Variants in RRBP1 observed in about 807,000 individuals in gnomAD.
RRBP1 encodes ribosome binding protein 1.
RRBP1 carries 94 observed loss-of-function variants against 165.2 expected under a neutral mutation model. That is an observed-to-expected ratio of 0.57 (90% confidence interval 0.48 to 0.68). The LOEUF (loss-of-function observed/expected upper bound fraction) is 0.68, where lower values mean the gene tolerates loss of function less well. Ranked by LOEUF, RRBP1 falls within the 30% of genes least tolerant of loss-of-function variation. The pLI, the probability that RRBP1 is intolerant of heterozygous loss-of-function variation, is 0.00. For missense variants in RRBP1, 1,676 were observed against 1,763.0 expected (o/e 0.95, Z 0.88); for synonymous variants, 680 against 714.5 (o/e 0.95, Z 0.77).
chr20:17,615,877 CAG>C (rs1404527825), intron 22 of RRBP1, 47 bp downstream of exon 22: 9 of 1,507,494 alleles, frequency 6.0e-6, no homozygotes, highest in African/African-American at 1.4e-5. Context: ...CCTGGAGACT[CAG>C]GGCCCAGGGG....
rs1484921484 is a variant in RRBP1, at chr20:17,643,769, G to C, written c.1913-642C>G. 1.3e-5 allele frequency among the ~76,000 whole-genome samples: 2 copies of C among 152,218 alleles called. No homozygotes were observed. The highest frequency in any genetic ancestry group is 2.9e-5 in the Non-Finnish European group (2 of 68,042). On this transcript the variant is annotated intron_variant, in intron 3 of 24. Transcript: ENST00000377813. This position sits in a 1 kb window ranked among gnomAD's most constrained non-coding sequence, Gnocchi z 4.3. ...GGCTGGGTTCTTATAGAAAGGGCCTGTCCACTGGCCAGTCCATGAGTGACT... is the reference window on the plus strand; with the variant it reads ...GGCTGGGTTCTTATAGAAAGGGCCTCTCCACTGGCCAGTCCATGAGTGACT...
intron 14 of RRBP1, 29 bp downstream of exon 14, chr20:17,621,826 G>C (rs750288302): frequency 3.1e-6 from 5 of 1,612,154 alleles, no homozygotes; most frequent in Non-Finnish European, 4.2e-6. Context: ...AGAACTGTGA[G>C]GTCCCCGGGA....
intron 20 of RRBP1, among the ~76,000 whole-genome samples, chr20:17,618,395 A>G (rs531154865): frequency 4.1e-4 from 63 of 152,314 alleles, no homozygotes; most frequent in African/African-American, 1.5e-3. Flanking sequence ...CCTGGTCCCA[A>G]CAGCCACAGG....
chr20:17,681,129 G>T (rs1052059509), intron 1 of RRBP1, among the ~76,000 whole-genome samples: 2 of 151,278 alleles, frequency 1.3e-5, no homozygotes, highest in Admixed American at 1.3e-4. Context: ...GGGTGCCAGC[G>T]CGCTTGGCCG....
Position 17,682,046 on chromosome 20 carries a change from G to C in RRBP1, c.-117C>G, listed in dbSNP as rs2037204353. 1 of 151,988 alleles carries C rather than the reference G, an allele frequency of 6.6e-6. No individual in the cohort carries two copies. The highest frequency in any genetic ancestry group is 2.1e-4 in the South Asian group (1 of 4,838). 9.4% of individuals were successfully genotyped at this position (151,988 alleles called of 1,614,324 possible). A position where few individuals can be genotyped will look rare whatever the true frequency, so the allele number is the denominator to read the frequency against. On this transcript the variant is annotated 5_prime_UTR_variant, in exon 1 of 25. Transcript: ENST00000377813. ...TTCTTACCTGCAGCCAGAGACGCGAGAGGGAAAGCGAGAGGGCAGGAGCCG... is the reference window on the plus strand; with the variant it reads ...TTCTTACCTGCAGCCAGAGACGCGACAGGGAAAGCGAGAGGGCAGGAGCCG...
chr20:17,645,026 G>A (rs959037366), intron 3 of RRBP1, among the ~76,000 whole-genome samples: 1 of 152,182 alleles, frequency 6.6e-6, no homozygotes, highest in African/African-American at 2.4e-5. Context: ...TCCAGAACCA[G>A]GGACCCCCAA....
chr20:17,679,496 C>T lies in RRBP1; in HGVS notation c.-22+503G>A, dbSNP rs147639170. ...CTGTCTCAACAGAACTGTTGATCCTCTATGTGTCATTCATCTATTAGTTAA... is the reference window on the plus strand; with the variant it reads ...CTGTCTCAACAGAACTGTTGATCCTTTATGTGTCATTCATCTATTAGTTAA... On this transcript the variant is annotated intron_variant, in intron 2 of 24. Transcript: ENST00000377813. Among the ~76,000 whole-genome samples the T allele has an allele frequency of 1.6e-3, 242 of 152,320 alleles. 2 individuals are homozygous for T. The highest frequency in any genetic ancestry group is 2.1e-3 in the Admixed American group (32 of 15,300).
chr20:17,667,140 C>A (rs868382774), intron 2 of RRBP1, among the ~76,000 whole-genome samples: 1 of 152,130 alleles, frequency 6.6e-6, no homozygotes, highest in South Asian at 2.1e-4. Flanking sequence ...AAAATCATTC[C>A]TTTTCCCCTA....
Position 17,633,793 on chromosome 20 carries a change from G to A in RRBP1, c.2457-180C>T, listed in dbSNP as rs117302857. Among the ~76,000 whole-genome samples, 163 of 152,350 alleles carry A rather than the reference G, an allele frequency of 1.1e-3. 1 individual carries two copies. The East Asian group carries it at 0.026, about 25-fold the overall frequency. ...GGGGTTGGGCATGTGTTTTGTTGAA[G>A]ACATTGTTTTACCTATATAGTGCAT... On this transcript the variant is annotated intron_variant, in intron 7 of 24. Transcript: ENST00000377813.
At chr20:17,649,750 A>G (rs2036523699) in intron 3 of RRBP1, among the ~76,000 whole-genome samples, 1 of 152,128 alleles carries the variant, frequency 6.6e-6, no homozygotes, top group African/African-American at 2.4e-5. Flanking sequence ...ATTAGATTGC[A>G]GAACACGACT....
chr20:17,640,270 G>C, intron 5 of RRBP1, among the ~76,000 whole-genome samples: 1 of 152,230 alleles, frequency 6.6e-6, no homozygotes, highest in East Asian at 1.9e-4. Context: ...CTGAGGGAGG[G>C]AAACCAAATT....
intron 3 of RRBP1, among the ~76,000 whole-genome samples, chr20:17,645,950 A>C (rs990441956): frequency 6.6e-6 from 1 of 152,216 alleles, no homozygotes; most frequent in African/African-American, 2.4e-5. Flanking sequence ...ACAGGCCAGG[A>C]GGCCTGGGGA....
chr20:17,660,400 C>T lies in RRBP1; in HGVS notation c.108G>A (p.Thr36=), dbSNP rs145588029. 3.3e-4 allele frequency: 529 copies of T among 1,613,992 alleles called. No individual in the cohort carries two copies. Among genetic ancestry groups the T allele is most frequent in the Non-Finnish European group, 4.2e-4 (497 of 1,180,032 alleles). Residue 36 remains threonine (T), a synonymous_variant, in exon 3 of 25, where the codon ACG becomes ACA. Transcript: ENST00000377813. ...GGTTGGCTAGGGCTTCTTCATATGA[C>T]GTTTCCTTCATGGAGAAAGTCGACA... ...FLVSTFSMKE[T]SYEEALANQR...
At position 17,620,597 on chromosome 20, in the gene RRBP1, T is replaced by C. The variant is rs150583419; in HGVS notation, c.3507+118A>G. ...TCCCGCAACTGTGCTTCATAGGGTG[T>C]CGTGGAAAAGCCCCACCGAGACACA... On this transcript the variant is annotated intron_variant, in intron 17 of 24. Transcript: ENST00000377813. The C allele has an allele frequency of 3.9e-4, 327 of 836,774 alleles. 3 individuals carry two copies. In the East Asian group the frequency reaches 8.2e-3, roughly 21 times the overall value. 51.8% of individuals were successfully genotyped at this position (836,774 alleles called of 1,614,324 possible).
chr20:17,627,617 G>A lies in RRBP1; in HGVS notation c.2815C>T (p.Leu939Phe), dbSNP rs1323085154. ...CTGGCCTCCTGGAGCTGCCCGTGGAGGCCACTCAGCTCCTCGCATTTGCTG... is the reference window on the plus strand; with the variant it reads ...CTGGCCTCCTGGAGCTGCCCGTGGAAGCCACTCAGCTCCTCGCATTTGCTG... ...VRSKCEELSG[L>F]HGQLQEARAE... Residue 939 changes from leucine (L) to phenylalanine (F), a missense_variant, in exon 10 of 25, where the codon CTC becomes TTC. Physicochemically the swap from Leu to Phe is conservative, Grantham distance 22. Coordinates refer to ENST00000377813, the MANE Select transcript of RRBP1 (RefSeq NM_001365613.2). The A allele has an allele frequency of 3.1e-6, 5 of 1,613,462 alleles. No individual in the cohort carries two copies. Among genetic ancestry groups the A allele is most frequent in the East Asian group, 4.5e-5 (2 of 44,884 alleles).
chr20:17,641,726 A>G, intron 5 of RRBP1, 71 bp downstream of exon 5: 2 of 1,579,152 alleles, frequency 1.3e-6, no homozygotes, highest in South Asian at 1.1e-5. Context: ...CCCGGGATCC[A>G]CCGTGGATGG....
intron 2 of RRBP1, 143 bp downstream of exon 2, chr20:17,679,856 A>T (rs1820474186): frequency 7.3e-6 from 1 of 137,560 alleles, no homozygotes; most frequent in South Asian, 2.5e-4. Context: ...TATAGTGCCT[A>T]GAGCTCTAAA....
At chr20:17,615,393 A>T (rs766051326) in intron 23 of RRBP1, 38 bp downstream of exon 23, 1 of 1,518,524 alleles carries the variant, frequency 6.6e-7, no homozygotes, top group African/African-American at 1.4e-5. Flanking sequence ...CCCAGAGCAG[A>T]CCCTCCAGGT....
chr20:17,630,105 G>A (rs988642295), intron 8 of RRBP1, 144 bp from the exon 9 acceptor site: 32 of 872,280 alleles, frequency 3.7e-5, no homozygotes, highest in African/African-American at 1.5e-4. Context: ...TGCATCCCTC[G>A]AGGCTCTAGA....
Sources: gnomAD v4.1 joint callset for allele counts (sites outside exome capture counted in the v4.1 genomes callset) on GRCh38, gnomAD v4.1.1 for gene constraint, Gnocchi (gnomAD v3.1) non-coding constraint, MANE v1.5 for transcripts, NCBI Gene and HGNC (gene_info 2026-07-23, HGNC 2026-07-21) for gene names.